TRDN: variants seen among roughly 807,000 people sequenced by gnomAD.
The protein encoded by TRDN is triadin in skeletal muscle.
TRDN carries 161 observed loss-of-function variants against 149.7 expected under a neutral mutation model. The ratio of observed to expected loss-of-function variants is 1.08; its 90% CI spans 0.95 to 1.23. The LOEUF (loss-of-function observed/expected upper bound fraction) is 1.23, where lower values mean the gene tolerates loss of function less well. TRDN is among the 50% of genes most tolerant of loss of function. The pLI, the probability that TRDN is intolerant of heterozygous loss-of-function variation, is 0.00. For missense variants in TRDN, 896 were observed against 823.5 expected, an observed-to-expected ratio of 1.09 and a Z score of -1.08; for synonymous variants, 294 against 250.5, an observed-to-expected ratio of 1.17 and a Z score of -1.64.
intron 10 of TRDN, chr6:123,457,624 C>T (rs1194237500): frequency 2.3e-6 from 1 of 434,682 alleles, no homozygotes; most frequent in Non-Finnish European, 4.5e-6. Context: ...AAAATTTACT[C>T]AACAGTTATT....
intron 1 of TRDN, among the ~76,000 whole-genome samples, chr6:123,625,339 A>C (rs1785600518): frequency 6.6e-6 from 1 of 152,144 alleles, no homozygotes; most frequent in African/African-American, 2.4e-5. Flanking sequence ...ATTGCAAGAA[A>C]GCAAATCACA....
At chr6:123,251,162 AT>A (rs1776357657) in intron 38 of TRDN, among the ~76,000 whole-genome samples, 1 of 152,056 alleles carries the variant, frequency 6.6e-6, no homozygotes, top group African/African-American at 2.4e-5. Context: ...TGTCCTTACA[AT>A]ATCTTTCCTT....
At chr6:123,334,945 T>C (rs1192591616) in intron 22 of TRDN, among the ~76,000 whole-genome samples, 1 of 151,934 alleles carries the variant, frequency 6.6e-6, no homozygotes, top group African/African-American at 2.4e-5. Context: ...GTAGGTAATC[T>C]CTTAGTGGTT....
At chr6:123,487,668 C>T (rs893430925) in intron 9 of TRDN, among the ~76,000 whole-genome samples, 2 of 152,032 alleles carry the variant, frequency 1.3e-5, no homozygotes, top group South Asian at 2.1e-4. Flanking sequence ...ACATATACAA[C>T]GTATTATTGT....
At chr6:123,360,525 G>T (rs935590515) in intron 20 of TRDN, among the ~76,000 whole-genome samples, 1 of 152,176 alleles carries the variant, frequency 6.6e-6, no homozygotes, top group Non-Finnish European at 1.5e-5. Context: ...GTAACATAAG[G>T]ATGGAAGCAT....
intron 24 of TRDN, among the ~76,000 whole-genome samples, chr6:123,303,506 G>A (rs1562253095): frequency 6.6e-6 from 1 of 152,084 alleles, no homozygotes; most frequent in Non-Finnish European, 1.5e-5. Context: ...AACAGACCAA[G>A]GATAAAGACA....
intron 38 of TRDN, among the ~76,000 whole-genome samples, chr6:123,235,913 C>T (rs564287041): frequency 3.3e-5 from 5 of 152,168 alleles, no homozygotes; most frequent in African/African-American, 9.7e-5. Flanking sequence ...GGATGTACTA[C>T]AGCTTCTATA....
chr6:123,636,502 A>G (rs1166060243), intron 1 of TRDN, among the ~76,000 whole-genome samples: 4 of 151,944 alleles, frequency 2.6e-5, no homozygotes, highest in Admixed American at 2.0e-4. Context: ...ACTGTTAACT[A>G]GTGGGGCCTT....
chr6:123,562,261 G>T (rs1190348019), intron 2 of TRDN, among the ~76,000 whole-genome samples: 1 of 152,094 alleles, frequency 6.6e-6, no homozygotes, highest in Non-Finnish European at 1.5e-5. Flanking sequence ...TCTCTTTTCA[G>T]ACTCAGCCCG....
chr6:123,238,234 A>G (rs1775858902), intron 38 of TRDN, among the ~76,000 whole-genome samples: 1 of 152,192 alleles, frequency 6.6e-6, no homozygotes, highest in Non-Finnish European at 1.5e-5. Context: ...ACATATAAGT[A>G]CAGATAGGCA....
intron 12 of TRDN, among the ~76,000 whole-genome samples, chr6:123,414,258 A>AT (rs1166500231): frequency 2.0e-5 from 3 of 152,182 alleles, no homozygotes; most frequent in Middle Eastern, 3.4e-3. Context: ...TTCTATTGAG[A>AT]TTTTTTTAAA....
intron 12 of TRDN, among the ~76,000 whole-genome samples, chr6:123,413,974 A>G (rs1773545980): frequency 6.6e-6 from 1 of 152,100 alleles, no homozygotes; most frequent in Admixed American, 6.6e-5. Flanking sequence ...TTCAAGGGGT[A>G]ACTAGTTTTC....
chr6:123,377,599 T>C (rs1402071227), intron 18 of TRDN, 117 bp downstream of exon 18: 4 of 1,210,256 alleles, frequency 3.3e-6, no homozygotes, highest in East Asian at 2.4e-5. Context: ...AAAAACACTG[T>C]GAGATGGAAG....
intron 23 of TRDN, among the ~76,000 whole-genome samples, chr6:123,328,346 G>T (rs1779537806): frequency 6.6e-6 from 1 of 152,216 alleles, no homozygotes; most frequent in Non-Finnish European, 1.5e-5. Flanking sequence ...GATGGCAGAG[G>T]CCGCCCCAAA....
chr6:123,597,338 T>C (rs1222450122), intron 1 of TRDN, among the ~76,000 whole-genome samples: 1 of 152,102 alleles, frequency 6.6e-6, no homozygotes, highest in African/African-American at 2.4e-5. Context: ...GGAGATGCTT[T>C]CTTATGGATG....
At chr6:123,252,153 T>C (rs1427154792) in intron 38 of TRDN, among the ~76,000 whole-genome samples, 1 of 152,042 alleles carries the variant, frequency 6.6e-6, no homozygotes, top group African/African-American at 2.4e-5. Flanking sequence ...CATTTATTTA[T>C]TTAAATGCAA....
chr6:123,554,556 G>A (rs6569351), intron 2 of TRDN, among the ~76,000 whole-genome samples: 4,837 of 152,106 alleles, frequency 0.032, 107 homozygotes, highest in African/African-American at 0.066. Flanking sequence ...AGCAAATTAT[G>A]TGTCATTTAA....
intron 5 of TRDN, among the ~76,000 whole-genome samples, chr6:123,519,088 G>A (rs756354821): frequency 2.6e-5 from 4 of 152,170 alleles, no homozygotes; most frequent in Admixed American, 6.5e-5. Flanking sequence ...ATCTTAGCCA[G>A]GACAGTTTTT....
At chr6:123,306,607 T>A (rs1415474702) in intron 24 of TRDN, among the ~76,000 whole-genome samples, 1 of 152,216 alleles carries the variant, frequency 6.6e-6, no homozygotes, top group East Asian at 1.9e-4. Flanking sequence ...GCTTCCGAGA[T>A]AACTTGCTGC....
Sources: allele counts gnomAD v4.1 joint callset (sites outside exome capture counted in the v4.1 genomes callset), GRCh38; gene constraint gnomAD v4.1.1; transcripts MANE v1.5; gene names NCBI Gene and HGNC (gene_info 2026-07-23, HGNC 2026-07-21).